Variants in PTPRN2 observed in about 807,000 individuals in gnomAD.
PTPRN2 encodes protein tyrosine phosphatase receptor type N2, also known as receptor-type tyrosine-protein phosphatase N2.
In PTPRN2, 74 loss-of-function variants were observed where a neutral mutation model predicts 118.8. That is an observed-to-expected ratio of 0.62 (90% CI 0.52 to 0.76). The LOEUF is 0.76. Ranked by LOEUF, PTPRN2 falls within the 30% of genes least tolerant of loss-of-function variation. The pLI, the probability that PTPRN2 is intolerant of heterozygous loss-of-function variation, is 0.00. For missense variants in PTPRN2, 1,481 were observed against 1,394.4 expected, an observed-to-expected ratio of 1.06 and a Z score of -0.99; for synonymous variants, 641 against 608.0, an observed-to-expected ratio of 1.05 and a Z score of -0.80.
chr7:157,770,520 C>T (rs772862584), intron 12 of PTPRN2, among the ~76,000 whole-genome samples: 1 of 152,204 alleles, frequency 6.6e-6, no homozygotes, highest in African/African-American at 2.4e-5. Context: ...AATTTCTTTT[C>T]ATTTTCATTC....
At chr7:158,451,552 T>C (rs1644335377) in intron 2 of PTPRN2, among the ~76,000 whole-genome samples, 1 of 152,226 alleles carries the variant, frequency 6.6e-6, no homozygotes, top group South Asian at 2.1e-4. Flanking sequence ...TCTTCTAATA[T>C]GGATTCCAGC....
At chr7:158,083,444 AT>A (rs1486304075) in intron 10 of PTPRN2, among the ~76,000 whole-genome samples, 19 of 152,282 alleles carry the variant, frequency 1.2e-4, no homozygotes, top group African/African-American at 4.6e-4. Flanking sequence ...ACATCTGAAG[AT>A]TCCCTGACAG....
At chr7:158,537,134 A>G in intron 1 of PTPRN2, among the ~76,000 whole-genome samples, 1 of 152,302 alleles carries the variant, frequency 6.6e-6, no homozygotes, top group Admixed American at 6.5e-5. Context: ...GCTCCCAGAC[A>G]CCAAGTCTGC....
chr7:158,070,895 CATG>C (rs1159510612), intron 11 of PTPRN2, among the ~76,000 whole-genome samples: 5 of 115,868 alleles, frequency 4.3e-5, no homozygotes, highest in African/African-American at 1.1e-4. Flanking sequence ...TGGAGGTGCC[CATG>C]GTAGTGGAGG....
chr7:157,661,404 G>A (rs1795879523), intron 13 of PTPRN2, among the ~76,000 whole-genome samples: 1 of 152,276 alleles, frequency 6.6e-6, no homozygotes, highest in African/African-American at 2.4e-5. Context: ...CCACAGCAAG[G>A]CAACGCGCGG....
At chr7:158,341,770 GACACC>G (rs1806865687) in intron 2 of PTPRN2, among the ~76,000 whole-genome samples, 10 of 109,904 alleles carry the variant, frequency 9.1e-5, no homozygotes, top group East Asian at 2.6e-4. Flanking sequence ...CATAAGAGCT[GACACC>G]TGCAGACGTC....
chr7:158,023,146 A>C (rs1807022856), intron 11 of PTPRN2, among the ~76,000 whole-genome samples: 1 of 152,232 alleles, frequency 6.6e-6, no homozygotes, highest in Non-Finnish European at 1.5e-5. Context: ...AATTTAGCAC[A>C]GAAAACCACT....
At chr7:157,894,017 A>T (rs1796960184) in intron 12 of PTPRN2, among the ~76,000 whole-genome samples, 1 of 152,188 alleles carries the variant, frequency 6.6e-6, no homozygotes, top group African/African-American at 2.4e-5. Context: ...CTGGAATGGG[A>T]GCTCGTGATG....
intron 9 of PTPRN2, among the ~76,000 whole-genome samples, chr7:158,130,830 GTACA>G (rs1441260061): frequency 1.6e-5 from 2 of 126,196 alleles, no homozygotes; most frequent in Non-Finnish European, 3.4e-5. Context: ...ATACACACAC[GTACA>G]TACACACACA....
At chr7:158,207,502 G>T (rs1006783162) in intron 3 of PTPRN2, among the ~76,000 whole-genome samples, 73 of 152,192 alleles carry the variant, frequency 4.8e-4, no homozygotes, top group African/African-American at 1.3e-3. Context: ...TACCATCAGA[G>T]TGAACAGGCA....
At chr7:158,070,466 GTGGTGGTGGAGGTGCTCC>G (rs1811179097) in intron 11 of PTPRN2, among the ~76,000 whole-genome samples, 1 of 116,790 alleles carries the variant, frequency 8.6e-6, no homozygotes, top group Non-Finnish European at 1.7e-5. Context: ...GGAGGTGCCC[GTGGTGGTGGAGGTGCTCC>G]TGGTGGTGGA....
chr7:158,399,511 C>T (rs1812778326), intron 2 of PTPRN2, among the ~76,000 whole-genome samples: 1 of 152,092 alleles, frequency 6.6e-6, no homozygotes, highest in South Asian at 2.1e-4. Context: ...TAAAAATTAG[C>T]CAGGCATGGT....
At chr7:157,675,117 ATCCACTTTTTTACACT>A (rs1796602715) in intron 13 of PTPRN2, among the ~76,000 whole-genome samples, 1 of 152,010 alleles carries the variant, frequency 6.6e-6, no homozygotes, top group African/African-American at 2.4e-5. Flanking sequence ...TCCCAGTTTA[ATCCACTTTTTTACACT>A]TCCCTTTACT....
Position 158,039,566 on chromosome 7 carries a change from T to C in PTPRN2, c.1723+41732A>G, listed in dbSNP as rs141595540. On this transcript the variant is annotated intron_variant, in intron 11 of 22. Transcript: ENST00000389418. ...GGAAACCCAAAGAAAAGTAGGGAGA[T>C]AAAACAAGGACACCAGAAGAAATTT... Among the ~76,000 whole-genome samples the C allele has an allele frequency of 3.5e-3, 527 of 152,270 alleles. 4 individuals carry two copies. Among genetic ancestry groups the C allele is most frequent in the African/African-American group, 0.012 (479 of 41,542 alleles).
chr7:157,757,938 G>A (rs913849543), intron 12 of PTPRN2, among the ~76,000 whole-genome samples: 3 of 152,218 alleles, frequency 2.0e-5, no homozygotes, highest in Non-Finnish European at 2.9e-5. Context: ...GGGCCCTGAA[G>A]CAGCTCTCTG....
At chr7:158,243,912 A>G (rs1563028008) in intron 3 of PTPRN2, among the ~76,000 whole-genome samples, 2 of 152,152 alleles carry the variant, frequency 1.3e-5, no homozygotes, top group Non-Finnish European at 2.9e-5. Flanking sequence ...ACTACCTCCT[A>G]AGTAGCAGTC....
Position 157,764,502 on chromosome 7 carries a change from C to A in PTPRN2, c.1789-81565G>T, listed in dbSNP as rs759691813. Among the ~76,000 whole-genome samples the A allele has an allele frequency of 2.0e-5, 3 of 152,164 alleles. No homozygotes were observed. Among genetic ancestry groups the A allele is most frequent in the Non-Finnish European group, 4.4e-5 (3 of 68,042 alleles). ...ACAATATGATAAACACTGTGTGATT[C>A]CACTCGTATGGGGTCCTTAGAGTCA... On this transcript the variant is annotated intron_variant, in intron 12 of 22. Transcript: ENST00000389418. This position sits in a 1 kb window ranked among gnomAD's most constrained non-coding sequence, Gnocchi z 4.5.
intron 2 of PTPRN2, among the ~76,000 whole-genome samples, chr7:158,412,739 A>T (rs1416178323): frequency 1.2e-4 from 12 of 97,722 alleles, no homozygotes; most frequent in East Asian, 3.1e-4. Flanking sequence ...CCTCCTCAGC[A>T]CCAGGGCCCA....
At chr7:158,488,725 C>G (rs894463914) in intron 2 of PTPRN2, among the ~76,000 whole-genome samples, 3 of 152,246 alleles carry the variant, frequency 2.0e-5, no homozygotes, top group African/African-American at 7.2e-5. Flanking sequence ...GTGCGAGGGG[C>G]CTCTGGGCAG....
Sources: allele counts gnomAD v4.1 joint callset (sites outside exome capture counted in the v4.1 genomes callset), GRCh38; gene constraint gnomAD v4.1.1; non-coding constraint Gnocchi (gnomAD v3.1); transcripts MANE v1.5; gene names NCBI Gene and HGNC (gene_info 2026-07-23, HGNC 2026-07-21).